The following CRTAC1 variants were observed in gnomAD, a reference collection of about 807,000 sequenced individuals.
CRTAC1 encodes the protein cartilage acidic protein 1, also known as acidic secreted protein in cartilage.
In CRTAC1, 37 loss-of-function variants were observed where a neutral mutation model predicts 67.8. The ratio of observed to expected loss-of-function variants is 0.55; its 90% confidence interval spans 0.42 to 0.72. The LOEUF is 0.72. Among genes scored for constraint, CRTAC1 ranks in the 30% least tolerant of loss-of-function variants. The pLI, the probability that CRTAC1 is intolerant of heterozygous loss-of-function variation, is 0.00. For missense variants in CRTAC1, 780 were observed against 931.6 expected, an observed-to-expected ratio of 0.84 and a Z score of 2.12; for synonymous variants, 348 against 371.0, an observed-to-expected ratio of 0.94 and a Z score of 0.71.
chr10:97,952,465 G>C (rs1241450691), intron 2 of CRTAC1, among the ~76,000 whole-genome samples: 1 of 149,876 alleles, frequency 6.7e-6, no homozygotes, highest in East Asian at 1.9e-4. Context: ...TTAAACCTGG[G>C]AGATGGAGGT....
intron 2 of CRTAC1, among the ~76,000 whole-genome samples, chr10:98,008,192 TCTGTTCTTCG>T (rs1842831514): frequency 6.6e-6 from 1 of 152,206 alleles, no homozygotes; most frequent in Non-Finnish European, 1.5e-5. Context: ...CTCTGCTAGT[TCTGTTCTTCG>T]CAGCTGAAAG....
intron 7 of CRTAC1, among the ~76,000 whole-genome samples, chr10:97,904,288 T>C (rs2050579582): frequency 6.6e-6 from 1 of 152,112 alleles, no homozygotes; most frequent in Non-Finnish European, 1.5e-5. Context: ...ACCCCCACTC[T>C]GGGCCCTGAG....
chr10:97,936,078 G>A lies in CRTAC1; in HGVS notation c.421+92C>T, dbSNP rs540820261. On this transcript the variant is annotated intron_variant, in intron 3 of 14. Coordinates refer to ENST00000370597, the MANE Select transcript of CRTAC1 (RefSeq NM_018058.7). Reference sequence around the variant, plus strand: ...CCTAGGGGGACAATGACAGTTGCCTGAGGAAGGGCCAGGGTTCCCATGGCC... The same window carrying A: ...CCTAGGGGGACAATGACAGTTGCCTAAGGAAGGGCCAGGGTTCCCATGGCC... 6.6e-5 allele frequency: 83 copies of A among 1,261,798 alleles called. 1 individual carries two copies. The African/African-American group carries it at 1.2e-3, about 19-fold the overall frequency. The allele number at this position is 1,261,798 out of a possible 1,614,324, so 78.2% of individuals were successfully genotyped here.
chr10:97,894,246 T>C (rs142068728), intron 11 of CRTAC1, among the ~76,000 whole-genome samples: 102 of 152,262 alleles, frequency 6.7e-4, no homozygotes, highest in Non-Finnish European at 1.3e-3. Flanking sequence ...AGAGATCCAG[T>C]TTCTCTGATC....
At chr10:97,938,778 G>A (rs2051128448) in intron 2 of CRTAC1, among the ~76,000 whole-genome samples, 1 of 152,166 alleles carries the variant, frequency 6.6e-6, no homozygotes, top group South Asian at 2.1e-4. Context: ...TGGTGGCCTT[G>A]GGCTGGTCAG....
intron 2 of CRTAC1, among the ~76,000 whole-genome samples, chr10:97,954,956 C>T (rs111883478): frequency 0.013 from 1,928 of 152,274 alleles, 42 homozygotes; most frequent in African/African-American, 0.044. Flanking sequence ...GTTCCAAGGA[C>T]TAGGACATGG....
Position 97,880,213 on chromosome 10 carries a change from C to A in CRTAC1, c.1819+36G>T, listed in dbSNP as rs17108661. The A allele has an allele frequency of 4.1e-3, 6,629 of 1,607,480 alleles. 199 individuals carry two copies. In the African/African-American group the frequency reaches 0.069, roughly 17 times the overall value. On this transcript the variant is annotated intron_variant, in intron 14 of 14. Coordinates refer to ENST00000370597, the MANE Select transcript of CRTAC1 (RefSeq NM_018058.7). The stretch of plus-strand genomic sequence containing the variant: ...GAGCTCCCCAGTGGAAAGCAACATC[C>A]TTTTGCTACTGGCCTATGGCTGGGG...
At chr10:97,957,164 G>T (rs577436661) in intron 2 of CRTAC1, among the ~76,000 whole-genome samples, 1 of 152,042 alleles carries the variant, frequency 6.6e-6, no homozygotes, top group Non-Finnish European at 1.5e-5. Context: ...AGGAGTGGGC[G>T]ATGCTTTAAA....
chr10:97,982,547 A>G (rs2051908434), intron 2 of CRTAC1, among the ~76,000 whole-genome samples: 1 of 152,194 alleles, frequency 6.6e-6, no homozygotes. Context: ...TGTCAACATC[A>G]TTACCAAAAC....
At position 97,895,417 on chromosome 10, in the gene CRTAC1, C is replaced by T; in HGVS notation, c.1318-4G>A. The T allele has an allele frequency of 6.3e-7, 1 of 1,592,484 alleles. No individual in the cohort carries two copies. The highest frequency in any genetic ancestry group is 8.5e-7 in the Non-Finnish European group (1 of 1,170,550). ...GCAGCCAGTTGTTGTTGAAGCCCTG[C>T]AGAGAGGGTGAGAGGCAGACACCCG... is the stretch of plus-strand genomic sequence containing the variant. On this transcript the variant is annotated splice_region_variant and splice_polypyrimidine_tract_variant and intron_variant, in intron 10 of 14. Coordinates refer to ENST00000370597, the MANE Select transcript of CRTAC1 (RefSeq NM_018058.7). The surrounding 1 kb of genome is among the most constrained non-coding windows in gnomAD (Gnocchi z 4.2).
At chr10:98,010,058 T>C (rs1590288948) in intron 2 of CRTAC1, among the ~76,000 whole-genome samples, 2 of 151,530 alleles carry the variant, frequency 1.3e-5, no homozygotes, top group South Asian at 4.2e-4. Flanking sequence ...TTTTTTTTTT[T>C]AGATGGAGTC....
chr10:97,924,866 TGAGTGTGAGCATGAGC>T (rs2050890708), intron 3 of CRTAC1, among the ~76,000 whole-genome samples: 1 of 151,906 alleles, frequency 6.6e-6, no homozygotes, highest in South Asian at 2.1e-4. Context: ...GGGAAGTATG[TGAGTGTGAGCATGAGC>T]GAGAGTGAGC....
At chr10:97,899,507 C>G (rs920231304) in intron 8 of CRTAC1, among the ~76,000 whole-genome samples, 1 of 152,180 alleles carries the variant, frequency 6.6e-6, no homozygotes, top group Non-Finnish European at 1.5e-5. Context: ...AGTGCTCAGG[C>G]CTCGTCCTCC....
At chr10:97,919,808 AC>A (rs1194068347) in intron 4 of CRTAC1, among the ~76,000 whole-genome samples, 1 of 117,076 alleles carries the variant, frequency 8.5e-6, no homozygotes, top group African/African-American at 3.3e-5. Flanking sequence ...TCCCTCTGTC[AC>A]TCAGGCTCAC....
At chr10:97,932,952 C>T (rs1201096496) in intron 3 of CRTAC1, among the ~76,000 whole-genome samples, 2 of 152,210 alleles carry the variant, frequency 1.3e-5, no homozygotes, top group African/African-American at 2.4e-5. Flanking sequence ...GGGTGCTTGC[C>T]CTCTTCCAGG....
chr10:97,954,026 C>T (rs115622897), intron 2 of CRTAC1, among the ~76,000 whole-genome samples: 2,403 of 152,222 alleles, frequency 0.016, 72 homozygotes, highest in African/African-American at 0.054. Flanking sequence ...GCTGTCGAGA[C>T]GTCTCTACAG....
At chr10:97,974,302 T>TC (rs1239720096) in intron 2 of CRTAC1, among the ~76,000 whole-genome samples, 8 of 151,798 alleles carry the variant, frequency 5.3e-5, no homozygotes, top group East Asian at 1.9e-4. Flanking sequence ...ACCAGCAGGC[T>TC]CCCCCCCTGC....
chr10:97,895,168 G>T lies in CRTAC1; in HGVS notation c.1486+77C>A. 1 of 1,436,886 alleles carries T rather than the reference G, an allele frequency of 7.0e-7. No homozygotes were observed. The highest frequency in any genetic ancestry group is 9.6e-7 in the Non-Finnish European group (1 of 1,045,928). 89.0% of individuals were successfully genotyped at this position (1,436,886 alleles called of 1,614,324 possible). A position where few individuals can be genotyped will look rare whatever the true frequency, so the allele number is the denominator to read the frequency against. On this transcript the variant is annotated intron_variant, in intron 11 of 14. Coordinates refer to ENST00000370597, the MANE Select transcript of CRTAC1 (RefSeq NM_018058.7). This position sits in a 1 kb window ranked among gnomAD's most constrained non-coding sequence, Gnocchi z 4.2. ...ACAGTAGAGCGGAGCGGTGCCCAAG[G>T]ATGCTCGGGCTGTGAGTCCCTGAAT...
intron 2 of CRTAC1, among the ~76,000 whole-genome samples, chr10:97,988,676 C>T (rs1471111157): frequency 1.3e-5 from 2 of 152,190 alleles, no homozygotes; most frequent in South Asian, 4.1e-4. Context: ...GCCGAGATCA[C>T]ATCATTGCAC....
Sources: allele counts gnomAD v4.1 joint callset (sites outside exome capture counted in the v4.1 genomes callset), GRCh38; gene constraint gnomAD v4.1.1; non-coding constraint Gnocchi (gnomAD v3.1); transcripts MANE v1.5; gene names NCBI Gene and HGNC (gene_info 2026-07-23, HGNC 2026-07-21).